Variants in DHX15 observed in about 807,000 individuals in gnomAD.
DHX15 encodes the protein ATP-dependent RNA helicase DHX15.
Under a neutral mutation model 94.4 loss-of-function variants are expected in DHX15, and 11 were observed. The ratio of observed to expected loss-of-function variants is 0.12; its 90% CI spans 0.07 to 0.19. The LOEUF is 0.19. Ranked by LOEUF, DHX15 falls within the 10% of genes least tolerant of loss-of-function variation. DHX15 has a pLI of 1.00. For synonymous variants in DHX15, 338 were observed against 329.9 expected, an observed-to-expected ratio of 1.02 and a Z score of -0.27; for missense variants, 304 against 988.5, an observed-to-expected ratio of 0.31 and a Z score of 9.29.
intron 12 of DHX15, among the ~76,000 whole-genome samples, chr4:24,531,649 G>A (rs940386190): frequency 1.3e-5 from 2 of 151,982 alleles, no homozygotes; most frequent in African/African-American, 4.8e-5. Flanking sequence ...GCCCAGGGAG[G>A]TAAAAGCTGC....
chr4:24,558,075 C>G (rs1014694116), intron 3 of DHX15, among the ~76,000 whole-genome samples: 1 of 151,850 alleles, frequency 6.6e-6, no homozygotes, highest in Non-Finnish European at 1.5e-5. Context: ...TCTTGATACT[C>G]AGTGCTCATT....
chr4:24,532,172 G>A (rs553089126), intron 12 of DHX15, among the ~76,000 whole-genome samples: 1 of 152,314 alleles, frequency 6.6e-6, no homozygotes, highest in South Asian at 2.1e-4. Flanking sequence ...ACTGTTCACA[G>A]TATTTACTTG....
chr4:24,548,268 GAGTAGCTGGAATTACA>G (rs1721500904), intron 6 of DHX15, among the ~76,000 whole-genome samples: 1 of 150,416 alleles, frequency 6.6e-6, no homozygotes, highest in Non-Finnish European at 1.5e-5. Flanking sequence ...TCTGCCTCCT[GAGTAGCTGGAATTACA>G]GGCACGCGCT....
At chr4:24,531,768 T>C (rs1196442891) in intron 12 of DHX15, among the ~76,000 whole-genome samples, 4 of 152,082 alleles carry the variant, frequency 2.6e-5, no homozygotes, top group African/African-American at 9.7e-5. Flanking sequence ...GAGAAGCCAG[T>C]ACAACATATC....
At chr4:24,550,825 T>C (rs1037909530) in intron 5 of DHX15, among the ~76,000 whole-genome samples, 1 of 152,236 alleles carries the variant, frequency 6.6e-6, no homozygotes, top group African/African-American at 2.4e-5. Context: ...CTATTATCAT[T>C]ATTATTATGT....
At chr4:24,558,981 G>T (rs1054936428) in intron 3 of DHX15, among the ~76,000 whole-genome samples, 1 of 152,092 alleles carries the variant, frequency 6.6e-6, no homozygotes, top group African/African-American at 2.4e-5. Context: ...CTATTCGAAA[G>T]ATATGCCCAG....
chr4:24,571,894 T>C (rs1722129504), intron 2 of DHX15, among the ~76,000 whole-genome samples: 2 of 152,206 alleles, frequency 1.3e-5, no homozygotes. Flanking sequence ...TTTAAAACAC[T>C]TTAAATGAAC....
chr4:24,581,763 T>G (rs1489051787), intron 1 of DHX15, among the ~76,000 whole-genome samples: 2 of 152,222 alleles, frequency 1.3e-5, no homozygotes, highest in Non-Finnish European at 2.9e-5. Flanking sequence ...GAAAACTTTT[T>G]TCCATACTTC....
At chr4:24,555,027 A>G (rs1721697480) in intron 4 of DHX15, 84 bp from the exon 5 acceptor site, 3 of 991,184 alleles carry the variant, frequency 3.0e-6, no homozygotes, top group Non-Finnish European at 4.4e-6. Flanking sequence ...ACTATTCTAC[A>G]TATATCAGCT....
rs1247763574 is a variant in DHX15, at chr4:24,537,749, T to C, written c.1787-576A>G. ...AGAAGCATATGTAAACATAAAAATA[T>C]CAAGAATTCTTGGGTTTGGATGATA... On this transcript the variant is annotated intron_variant, in intron 10 of 13. Transcript: ENST00000336812. The surrounding 1 kb of genome is among the most constrained non-coding windows in gnomAD (Gnocchi z 4.7). 6.6e-6 allele frequency: 1 copy of C among 152,150 alleles called. No individual in the cohort carries two copies. Among genetic ancestry groups the C allele is most frequent in the Admixed American group, 6.6e-5 (1 of 15,264 alleles). The allele number at this position is 152,150 out of a possible 1,614,324, so 9.4% of individuals were successfully genotyped here.
intron 13 of DHX15, 31 bp from the exon 14 acceptor site, chr4:24,528,072 A>G: frequency 6.6e-7 from 1 of 1,506,088 alleles, no homozygotes; most frequent in South Asian, 1.1e-5. Context: ...AAATTTCCAA[A>G]TTAACATTTA....
intron 6 of DHX15, among the ~76,000 whole-genome samples, chr4:24,545,540 C>T (rs1320112528): frequency 6.6e-6 from 1 of 152,176 alleles, no homozygotes; most frequent in Non-Finnish European, 1.5e-5. Flanking sequence ...CCCTAAAATA[C>T]AAGTGTTAAA....
chr4:24,573,063 A>T (rs1030689508), intron 2 of DHX15, among the ~76,000 whole-genome samples: 11 of 152,248 alleles, frequency 7.2e-5, no homozygotes, highest in African/African-American at 2.6e-4. Context: ...GGTGTGCGCC[A>T]CCACGCCCAG....
At chr4:24,528,975 G>A (rs868548584) in intron 13 of DHX15, among the ~76,000 whole-genome samples, 2 of 150,776 alleles carry the variant, frequency 1.3e-5, no homozygotes, top group Non-Finnish European at 3.0e-5. Context: ...AACAGCAAGA[G>A]AATGGCTCCA....
At chr4:24,546,498 G>A (rs1462622266) in intron 6 of DHX15, among the ~76,000 whole-genome samples, 2 of 152,176 alleles carry the variant, frequency 1.3e-5, no homozygotes, top group African/African-American at 4.8e-5. Context: ...GAGTAAACTT[G>A]AATGCATGTA....
Position 24,576,233 on chromosome 4 carries a change from A to G in DHX15, c.507+10T>C, listed in dbSNP as rs752794634. ...AAATGAAATATGTACCATGGTATAC[A>G]ATAACTCACCTGTGTTGTTTTACCA... On this transcript the variant is annotated intron_variant, in intron 2 of 13. Coordinates refer to ENST00000336812, the MANE Select transcript of DHX15 (RefSeq NM_001358.3). 5.0e-6 allele frequency: 8 copies of G among 1,605,854 alleles called. No individual in the cohort carries two copies. The highest frequency in any genetic ancestry group is 1.7e-5 in the Admixed American group (1 of 59,886).
At chr4:24,547,703 C>G (rs937501773) in intron 6 of DHX15, among the ~76,000 whole-genome samples, 3 of 151,330 alleles carry the variant, frequency 2.0e-5, no homozygotes, top group Non-Finnish European at 4.4e-5. Context: ...GTAGTCCTAG[C>G]ACTTTGGGAG....
intron 1 of DHX15, among the ~76,000 whole-genome samples, chr4:24,583,490 C>T (rs531799214): frequency 6.6e-6 from 1 of 151,626 alleles, no homozygotes; most frequent in East Asian, 1.9e-4. Flanking sequence ...AAAAACAATG[C>T]CTTCTAATCC....
chr4:24,543,482 T>G (rs1721360333), intron 6 of DHX15, among the ~76,000 whole-genome samples: 1 of 152,176 alleles, frequency 6.6e-6, no homozygotes, highest in South Asian at 2.1e-4. Flanking sequence ...CTCAACATTT[T>G]AAACAAAATG....
Sources: allele counts gnomAD v4.1 joint callset (sites outside exome capture counted in the v4.1 genomes callset), GRCh38; gene constraint gnomAD v4.1.1; non-coding constraint Gnocchi (gnomAD v3.1); transcripts MANE v1.5; gene names NCBI Gene and HGNC (gene_info 2026-07-23, HGNC 2026-07-21).